Variants in HID1 observed in about 807,000 individuals in gnomAD.
HID1 encodes HID1 domain containing.
HID1 carries 42 observed loss-of-function variants against 89.7 expected under a neutral mutation model. The observed-to-expected ratio is 0.47, with a 90% CI of 0.37 to 0.61. The LOEUF (loss-of-function observed/expected upper bound fraction) is 0.61, where lower values mean the gene tolerates loss of function less well. HID1 is among the 20% of genes least tolerant of loss of function. The pLI, the probability that HID1 is intolerant of heterozygous loss-of-function variation, is 0.00. For synonymous variants in HID1, 442 were observed against 433.8 expected, an observed-to-expected ratio of 1.02 and a Z score of -0.24; for missense variants, 854 against 1,039.3, an observed-to-expected ratio of 0.82 and a Z score of 2.45.
In HID1 at chr17:74,964,561, C is replaced by A; in HGVS notation, c.138G>T (p.Val46=). ...WADTATSVQD[V]FALVPAAEIR... ...TCTCTGCTGCCGGCACCAGTGCAAA[C>A]ACATCCTGCACCGAGGTGGCTGTGT... is the stretch of plus-strand genomic sequence containing the variant. Residue 46 remains valine (V), a synonymous_variant, in exon 2 of 19, where the codon GTG becomes GTT. Transcript: ENST00000425042. 6.2e-7 allele frequency: 1 copy of A among 1,611,552 alleles called. No homozygotes were observed. Among genetic ancestry groups the A allele is most frequent in the Non-Finnish European group, 8.5e-7 (1 of 1,179,118 alleles).
chr17:74,968,407 T>C (rs2039594256), intron 1 of HID1, among the ~76,000 whole-genome samples: 1 of 151,450 alleles, frequency 6.6e-6, no homozygotes, highest in South Asian at 2.1e-4. Flanking sequence ...CTCTCCAAAC[T>C]CAGAGTTGGG....
In HID1 at chr17:74,954,180, C is replaced by A; in HGVS notation, c.1822G>T (p.Ala608Ser). 6.2e-7 allele frequency: 1 copy of A among 1,603,310 alleles called. No homozygotes were observed. The highest frequency in any genetic ancestry group is 8.5e-7 in the Non-Finnish European group (1 of 1,176,080). ...CTGGTCTTGAGGGTGCCTGGCTCTG[C>A]AGGGGCAGCGGGGCGGGAGCCCTCC... ...SMEGSRPAAPAEPGTLKTSLV... is the reference protein window; with the variant it reads ...SMEGSRPAAPSEPGTLKTSLV... The change falls in exon 14 of 19, where the codon GCA (alanine) becomes TCA (serine). Residue 608 changes from alanine to serine, a missense_variant. By Grantham distance (99) the Ala-to-Ser change is moderately conservative (BLOSUM62 1). Transcript: ENST00000425042.
chr17:74,968,453 C>T (rs912552375), intron 1 of HID1, among the ~76,000 whole-genome samples: 4 of 151,718 alleles, frequency 2.6e-5, no homozygotes, highest in African/African-American at 4.8e-5. Flanking sequence ...CATACCCCAG[C>T]CCACTCCCAG....
In HID1 at chr17:74,961,896, C is replaced by G. The variant is rs757886151; in HGVS notation, c.705G>C (p.Gln235His). The change falls in exon 6 of 19, where the codon CAG (glutamine) becomes CAC (histidine). Residue 235 changes from glutamine (Q) to histidine (H), a missense_variant. By Grantham distance (24) the Gln-to-His change is conservative. Transcript: ENST00000425042. ...ACCTGTTCTCCGTGGAACAAAAGAA[C>G]TGAACCCATGGGTTGGTGCTGCCAC... ...PESGSTNPWV[Q>H]FFCSTENRHA... 1.3e-6 allele frequency: 2 copies of G among 1,592,366 alleles called. No individual in the cohort carries two copies. The highest frequency in any genetic ancestry group is 1.8e-5 in the Admixed American group (1 of 55,936).
In HID1 at chr17:74,963,840, TTCAGGACGA is replaced by T; in HGVS notation, c.278_286del (p.Ile93_Leu95del). On this transcript the variant is annotated inframe_deletion, in exon 3 of 19. Coordinates refer to ENST00000425042, the MANE Select transcript of HID1 (RefSeq NM_030630.3). Reference sequence around the variant, plus strand: ...CACGCGGGTGAGCAGCCGGCTGCAGTTCAGGACGATCTGCTTCTCCTTCTCCGAGTGGCA... The same window carrying T: ...CACGCGGGTGAGCAGCCGGCTGCAGTTCTGCTTCTCCTTCTCCGAGTGGCA... 6.2e-7 allele frequency: 1 copy of T among 1,614,042 alleles called. No homozygotes were observed. Among genetic ancestry groups the T allele is most frequent in the Non-Finnish European group, 8.5e-7 (1 of 1,179,994 alleles).
intron 2 of HID1, 81 bp downstream of exon 2, chr17:74,964,402 G>A (rs2039531159): frequency 2.7e-6 from 4 of 1,465,616 alleles, no homozygotes; most frequent in African/African-American, 1.4e-5. Context: ...CTGTGGGGCG[G>A]GAGGCCCTGG....
Position 74,962,082 on chromosome 17 carries a change from A to G in HID1, c.612-93T>C. ...CCAGCGCCCCAGCCCAGGTCCATGGAAGGAAGTTACTCCCGTTGACCCCTG... is the reference window on the plus strand; with the variant it reads ...CCAGCGCCCCAGCCCAGGTCCATGGGAGGAAGTTACTCCCGTTGACCCCTG... On this transcript the variant is annotated intron_variant, in intron 5 of 18. Transcript: ENST00000425042. The surrounding 1 kb of genome is among the most constrained non-coding windows in gnomAD (Gnocchi z 4.3). 1 of 1,155,748 alleles carries G rather than the reference A, an allele frequency of 8.7e-7. No homozygotes were observed. The highest frequency in any genetic ancestry group is 2.7e-5 in the Admixed American group (1 of 36,536). 71.6% of individuals were successfully genotyped at this position (1,155,748 alleles called of 1,614,324 possible).
intron 13 of HID1, among the ~76,000 whole-genome samples, chr17:74,955,188 T>C (rs934003022): frequency 6.6e-6 from 1 of 152,182 alleles, no homozygotes; most frequent in Non-Finnish European, 1.5e-5. Context: ...CGGATGTCTG[T>C]GACACTGGGC....
chr17:74,951,679 G>A (rs1369384215), intron 18 of HID1, 46 bp from the exon 19 acceptor site: 1 of 1,569,650 alleles, frequency 6.4e-7, no homozygotes, highest in Non-Finnish European at 8.7e-7. Flanking sequence ...GCACCTTGCA[G>A]ACAAGGCACC....
Position 74,954,015 on chromosome 17 carries a change from A to T in HID1, c.1864+123T>A, listed in dbSNP as rs1377976152. On this transcript the variant is annotated intron_variant, in intron 14 of 18. Transcript: ENST00000425042. ...CCCCCCATCCCTGTTGCCCAGCCCCATCCCCTCGGCTTCCATACATAAGCC... is the reference window on the plus strand; with the variant it reads ...CCCCCCATCCCTGTTGCCCAGCCCCTTCCCCTCGGCTTCCATACATAAGCC... 4.0e-5 allele frequency: 39 copies of T among 964,084 alleles called. 1 individual carries two copies. The South Asian group carries it at 5.4e-4, about 13-fold the overall frequency. 59.7% of individuals were successfully genotyped at this position (964,084 alleles called of 1,614,324 possible).
chr17:74,957,697 C>T (rs568631735), intron 12 of HID1, among the ~76,000 whole-genome samples: 144 of 151,406 alleles, frequency 9.5e-4, no homozygotes, highest in African/African-American at 3.1e-3. Context: ...GTCAGGAGTT[C>T]GAGACCAGCC....
chr17:74,960,729 C>T (rs1259522703), intron 6 of HID1, among the ~76,000 whole-genome samples: 3 of 152,152 alleles, frequency 2.0e-5, no homozygotes, highest in African/African-American at 4.8e-5. Flanking sequence ...TGGAGGGGGT[C>T]GCCTGGCTCC....
In HID1 at chr17:74,952,300, C is replaced by T; in HGVS notation, c.2113G>A (p.Val705Ile). The T allele has an allele frequency of 1.2e-6, 2 of 1,613,858 alleles. No individual in the cohort carries two copies. The highest frequency in any genetic ancestry group is 1.1e-5 in the South Asian group (1 of 91,082). ...QTIMRLLQVL[V>I]PQVEKICIDK... Reference sequence around the variant, plus strand: ...ATGCAGATCTTCTCCACCTGCGGAACCAGCACCTGCAGCAGCCTCATGATG... The same window carrying T: ...ATGCAGATCTTCTCCACCTGCGGAATCAGCACCTGCAGCAGCCTCATGATG... Residue 705 changes from valine to isoleucine, a missense_variant, in exon 17 of 19, where the codon GTT (valine) becomes ATT (isoleucine). Val to Ile is a conservative substitution (Grantham distance 29, BLOSUM62 3). Coordinates refer to ENST00000425042, the MANE Select transcript of HID1 (RefSeq NM_030630.3).
At chr17:74,964,776 G>C in intron 1 of HID1, 144 bp from the exon 2 acceptor site, 1 of 799,474 alleles carries the variant, frequency 1.3e-6, no homozygotes, top group Non-Finnish European at 2.0e-6. Context: ...CACATGGGTG[G>C]GGGACATACT....
chr17:74,951,513 G>A lies in HID1; in HGVS notation c.*57C>T. ...AAGCTCAGAATGGTGGATGGGGGAA[G>A]CCTCAGGGACCAAGGCCCTGCCTTC... On this transcript the variant is annotated 3_prime_UTR_variant, in exon 19 of 19. Transcript: ENST00000425042. 1.3e-6 allele frequency: 2 copies of A among 1,501,234 alleles called. No homozygotes were observed. Among genetic ancestry groups the A allele is most frequent in the Non-Finnish European group, 9.2e-7 (1 of 1,091,422 alleles). 93.0% of individuals were successfully genotyped at this position (1,501,234 alleles called of 1,614,324 possible).
chr17:74,963,122 G>T (rs2039509971), intron 3 of HID1, 41 bp from the exon 4 acceptor site: 4 of 1,458,910 alleles, frequency 2.7e-6, no homozygotes, highest in African/African-American at 1.4e-5. Flanking sequence ...GTGATAGCTG[G>T]CCAGGAAGAG....
At chr17:74,967,209 C>T (rs2039575841) in intron 1 of HID1, among the ~76,000 whole-genome samples, 1 of 151,728 alleles carries the variant, frequency 6.6e-6, no homozygotes, top group African/African-American at 2.4e-5. Context: ...TACACTCCAG[C>T]CTGGGTGACA....
At chr17:74,971,390 C>T (rs768079130) in intron 1 of HID1, among the ~76,000 whole-genome samples, 1 of 152,208 alleles carries the variant, frequency 6.6e-6, no homozygotes, top group Non-Finnish European at 1.5e-5. Context: ...GAAGTGCGGT[C>T]TGGTTTCTAT....
At chr17:74,967,191 C>T (rs193235928) in intron 1 of HID1, among the ~76,000 whole-genome samples, 2 of 151,896 alleles carry the variant, frequency 1.3e-5, no homozygotes, top group Admixed American at 6.6e-5. Flanking sequence ...GAGCCAAGAT[C>T]GTGCCACTAC....
Sources: allele counts gnomAD v4.1 joint callset (sites outside exome capture counted in the v4.1 genomes callset), GRCh38; gene constraint gnomAD v4.1.1; non-coding constraint Gnocchi (gnomAD v3.1); transcripts MANE v1.5; gene names NCBI Gene and HGNC (gene_info 2026-07-23, HGNC 2026-07-21).